TAAR5: variants seen among roughly 807,000 people sequenced by gnomAD.
The protein encoded by TAAR5 is trace amine associated receptor 5, also known as trace amine-associated receptor 5.
TAAR5 carries 27 observed loss-of-function variants against 21.1 expected under a neutral mutation model. The ratio of observed to expected loss-of-function variants is 1.28; its 90% CI spans 0.94 to 1.76. The LOEUF is 1.76. TAAR5 is among the 40% of genes most tolerant of loss of function. The pLI is 0.00. For missense variants in TAAR5, 495 were observed against 405.6 expected (o/e 1.22, Z -1.89); for synonymous variants, 203 against 167.5 (o/e 1.21, Z -1.64).
chr6:132,589,535 C>T lies in TAAR5; in HGVS notation c.152G>A (p.Gly51Glu), dbSNP rs773487027. The T allele has an allele frequency of 2.5e-6, 4 of 1,613,694 alleles. No individual in the cohort carries two copies. The highest frequency in any genetic ancestry group is 1.3e-5 in the African/African-American group (1 of 74,820). ...CACAGCAAATGCCACAAATACATTC[C>T]CTAGCACGATAATCAGCATGCCTGC... ...CAAGMLIIVL[G>E]NVFVAFAVSY... Residue 51 changes from glycine to glutamate, a missense_variant, in exon 1 of 1, where the codon GGG (glycine) becomes GAG (glutamate). Gly to Glu is a moderately conservative substitution (Grantham distance 98). Coordinates refer to ENST00000258034, the MANE Select transcript of TAAR5 (RefSeq NM_003967.3).
At chr6:132,599,570 C>T in the TAAR5 span, among the ~76,000 whole-genome samples, 2 of 152,024 alleles carry the variant, frequency 1.3e-5, no homozygotes, top group Non-Finnish European at 2.9e-5. Flanking sequence ...CTCAGGTGAT[C>T]CACCTGCATC....
chr6:132,598,645 G>A, the TAAR5 span, among the ~76,000 whole-genome samples: 1 of 152,166 alleles, frequency 6.6e-6, no homozygotes, highest in Non-Finnish European at 1.5e-5. Context: ...GCCTCTAGGG[G>A]CAGTGTCCTA....
chr6:132,607,271 C>T, the TAAR5 span, among the ~76,000 whole-genome samples: 10 of 152,044 alleles, frequency 6.6e-5, no homozygotes, highest in Non-Finnish European at 1.3e-4. Flanking sequence ...TTCTCCTTCT[C>T]CTTCTCTTCT....
At chr6:132,605,993 C>T in the TAAR5 span, among the ~76,000 whole-genome samples, 6,273 of 146,462 alleles carry the variant, frequency 0.043, 277 homozygotes, top group African/African-American at 0.11. Flanking sequence ...CCTAAGCGAA[C>T]TAATGCAGTA....
the TAAR5 span, chr6:132,595,539 A>G: frequency 6.6e-6 from 1 of 152,206 alleles, no homozygotes; most frequent in Non-Finnish European, 1.5e-5. Flanking sequence ...CACCAGCAGC[A>G]CAGCTTTTTT....
At position 132,588,646 on chromosome 6, in the gene TAAR5, C is replaced by T. The variant is rs1184666019; in HGVS notation, c.*27G>A. The T allele has an allele frequency of 6.3e-7, 1 of 1,587,214 alleles. No homozygotes were observed. The highest frequency in any genetic ancestry group is 8.6e-7 in the Non-Finnish European group (1 of 1,165,496). On this transcript the variant is annotated 3_prime_UTR_variant, in exon 1 of 1. Transcript: ENST00000258034. ...CACTTATCTTTCCTGTGAGGTCCTACTCCTTGCCTGCATTTAGTAGAAGGA... is the reference window on the plus strand; with the variant it reads ...CACTTATCTTTCCTGTGAGGTCCTATTCCTTGCCTGCATTTAGTAGAAGGA...
chr6:132,588,987 T>C lies in TAAR5; in HGVS notation c.700A>G (p.Thr234Ala), dbSNP rs149562682. Residue 234 changes from threonine (T) to alanine (A), a missense_variant, in exon 1 of 1, where the codon ACC (threonine) becomes GCC (alanine). Thr to Ala is a moderately conservative substitution (Grantham distance 58, BLOSUM62 0). Coordinates refer to ENST00000258034, the MANE Select transcript of TAAR5 (RefSeq NM_003967.3). ...CCAGCCAGGCTTTTGCTCAATGTGG[T>C]AATCTGCTGAGCCTGTCTGGTAGCA... ...VVATRQAQQI[T>A]TLSKSLAGAA... 1.2e-6 allele frequency: 2 copies of C among 1,614,012 alleles called. No homozygotes were observed. Among genetic ancestry groups the C allele is most frequent in the Non-Finnish European group, 8.5e-7 (1 of 1,179,978 alleles).
chr6:132,608,864 A>G, the TAAR5 span: 1 of 455,858 alleles, frequency 2.2e-6, no homozygotes, highest in South Asian at 1.5e-5. Flanking sequence ...TTGGTTGTGT[A>G]ATGTAAAGGG....
the TAAR5 span, among the ~76,000 whole-genome samples, chr6:132,601,536 A>G: frequency 6.6e-6 from 1 of 152,358 alleles, no homozygotes; most frequent in Admixed American, 6.5e-5. Context: ...AGTAAAATAC[A>G]TTTCAAAAAA....
the TAAR5 span, among the ~76,000 whole-genome samples, chr6:132,600,613 A>G: frequency 6.6e-6 from 1 of 152,304 alleles, no homozygotes; most frequent in African/African-American, 2.4e-5. Flanking sequence ...AAACAATTAC[A>G]TGCTTTGGAC....
chr6:132,597,974 T>C, the TAAR5 span, among the ~76,000 whole-genome samples: 980 of 152,296 alleles, frequency 6.4e-3, 11 homozygotes, highest in African/African-American at 0.022. Flanking sequence ...CCCTGAAATA[T>C]GTTAGTGTAC....
the TAAR5 span, among the ~76,000 whole-genome samples, chr6:132,611,180 T>A: frequency 6.7e-6 from 1 of 149,866 alleles, no homozygotes; most frequent in Admixed American, 6.7e-5. Flanking sequence ...AAGACAAATA[T>A]CTCATGTTCT....
chr6:132,603,494 C>CAA, the TAAR5 span, among the ~76,000 whole-genome samples: 163 of 135,948 alleles, frequency 1.2e-3, no homozygotes, highest in East Asian at 3.9e-3. Context: ...CATTTTCTCT[C>CAA]AAAAAAAAAA....
At chr6:132,607,810 T>G in the TAAR5 span, among the ~76,000 whole-genome samples, 1 of 152,160 alleles carries the variant, frequency 6.6e-6, no homozygotes, top group East Asian at 1.9e-4. Context: ...GAGGTCAACC[T>G]TAAGGTACAC....
At chr6:132,594,092 ATC>A (rs1183284326), upstream of TAAR5, among the ~76,000 whole-genome samples, 2 of 152,206 alleles carry the variant, frequency 1.3e-5, no homozygotes, top group East Asian at 3.8e-4. Context: ...AAGTAAGAAA[ATC>A]TCTATATGAT....
upstream of TAAR5, chr6:132,589,742 C>CAAAAA (rs567338856): frequency 3.5e-3 from 211 of 60,866 alleles, 13 homozygotes; most frequent in Non-Finnish European, 4.8e-3. Flanking sequence ...CACTGGAGGG[C>CAAAAA]AAAAAAAAAA....
chr6:132,609,550 T>C, the TAAR5 span, among the ~76,000 whole-genome samples: 5 of 152,188 alleles, frequency 3.3e-5, no homozygotes, highest in Non-Finnish European at 7.3e-5. Flanking sequence ...CATCTATCCA[T>C]CCATCTATCC....
At chr6:132,596,183 G>A in the TAAR5 span, among the ~76,000 whole-genome samples, 4 of 152,178 alleles carry the variant, frequency 2.6e-5, no homozygotes, top group African/African-American at 9.7e-5. Context: ...TCAAGCTCAA[G>A]TTGAGGTCCT....
chr6:132,601,295 A>G, the TAAR5 span, among the ~76,000 whole-genome samples: 2 of 152,256 alleles, frequency 1.3e-5, no homozygotes, highest in African/African-American at 4.8e-5. Flanking sequence ...ACAAAATTCA[A>G]ATGATTCAAA....
Sources: allele counts gnomAD v4.1 joint callset (sites outside exome capture counted in the v4.1 genomes callset), GRCh38; gene constraint gnomAD v4.1.1; transcripts MANE v1.5; gene names NCBI Gene and HGNC (gene_info 2026-07-23, HGNC 2026-07-21).